C1orf21: variants seen among roughly 807,000 people sequenced by gnomAD.
C1orf21 encodes chromosome 1 open reading frame 21.
Under a neutral mutation model 18.7 loss-of-function variants are expected in C1orf21, and 3 were observed. The ratio of observed to expected loss-of-function variants is 0.16; its 90% CI spans 0.07 to 0.42. The LOEUF (loss-of-function observed/expected upper bound fraction) is 0.42. C1orf21 is among the 10% of genes least tolerant of loss of function. The probability of loss-of-function intolerance (pLI) is 0.99; values close to 1 mark genes in which losing one functional copy is unlikely to be tolerated. For synonymous variants in C1orf21, 41 were observed against 46.4 expected (o/e 0.88, Z 0.47); for missense variants, 104 against 143.6 (o/e 0.72, Z 1.41).
chr1:184,402,930 A>T (rs1656186922), intron 1 of C1orf21, among the ~76,000 whole-genome samples: 1 of 152,222 alleles, frequency 6.6e-6, no homozygotes, highest in African/African-American at 2.4e-5. Context: ...AAGTTGTTAG[A>T]ATAATTTTGA....
chr1:184,399,831 C>T (rs1656120513), intron 1 of C1orf21, among the ~76,000 whole-genome samples: 1 of 152,166 alleles, frequency 6.6e-6, no homozygotes, highest in Non-Finnish European at 1.5e-5. Flanking sequence ...TGGTGATATT[C>T]TGTCATCCCT....
intron 1 of C1orf21, among the ~76,000 whole-genome samples, chr1:184,451,650 G>A (rs1355131845): frequency 6.6e-6 from 1 of 151,908 alleles, no homozygotes; most frequent in Admixed American, 6.6e-5. Flanking sequence ...TTGTAATAGT[G>A]TGTTTTGTAG....
intron 1 of C1orf21, among the ~76,000 whole-genome samples, chr1:184,467,453 A>G (rs1481677706): frequency 1.3e-5 from 2 of 152,188 alleles, no homozygotes; most frequent in Non-Finnish European, 2.9e-5. Flanking sequence ...GCCCTTGGAT[A>G]TGGCACACAG....
intron 1 of C1orf21, among the ~76,000 whole-genome samples, chr1:184,411,104 T>C (rs1656346783): frequency 6.6e-6 from 1 of 152,132 alleles, no homozygotes; most frequent in South Asian, 2.1e-4. Flanking sequence ...GGAACATATG[T>C]GGTTTACGGG....
chr1:184,503,498 C>T (rs970140461), intron 2 of C1orf21, among the ~76,000 whole-genome samples: 3 of 152,068 alleles, frequency 2.0e-5, no homozygotes, highest in Admixed American at 6.6e-5. Context: ...CTCTGCTGTC[C>T]TCCGTCCCCT....
chr1:184,568,977 G>A (rs184574941), intron 3 of C1orf21, among the ~76,000 whole-genome samples: 540 of 152,312 alleles, frequency 3.5e-3, no homozygotes, highest in Non-Finnish European at 5.4e-3. Context: ...TGGATAAGAC[G>A]TGAACACCGT....
At chr1:184,595,351 C>T (rs558463495) in intron 4 of C1orf21, among the ~76,000 whole-genome samples, 3 of 152,126 alleles carry the variant, frequency 2.0e-5, no homozygotes, top group Admixed American at 1.3e-4. Context: ...CCTCATCTCC[C>T]CCACTCACAA....
chr1:184,584,310 T>C (rs1203682899), intron 3 of C1orf21, among the ~76,000 whole-genome samples: 1 of 152,072 alleles, frequency 6.6e-6, no homozygotes, highest in South Asian at 2.1e-4. Context: ...TTCTGGAGAA[T>C]ACACCAATAT....
At chr1:184,465,760 C>T (rs1042648672) in intron 1 of C1orf21, among the ~76,000 whole-genome samples, 10 of 152,280 alleles carry the variant, frequency 6.6e-5, no homozygotes, top group Admixed American at 3.3e-4. Flanking sequence ...TGATCAGATC[C>T]TCAATTTACC....
intron 5 of C1orf21, among the ~76,000 whole-genome samples, chr1:184,617,923 T>G: frequency 6.7e-6 from 1 of 148,602 alleles, no homozygotes; most frequent in Non-Finnish European, 1.5e-5. Flanking sequence ...TTTTTTTTTT[T>G]TTTTGAGATA....
chr1:184,447,742 T>C (rs188101831), intron 1 of C1orf21, among the ~76,000 whole-genome samples: 189 of 152,328 alleles, frequency 1.2e-3, no homozygotes, highest in Admixed American at 1.6e-3. Context: ...CCCTGGTCAC[T>C]GGACTCCCAC....
chr1:184,468,832 T>C (rs1256780279), intron 1 of C1orf21, among the ~76,000 whole-genome samples: 2 of 151,988 alleles, frequency 1.3e-5, no homozygotes, highest in Admixed American at 6.6e-5. Context: ...GGCAGAAGAA[T>C]TGCTTGAACT....
At chr1:184,571,214 G>A (rs568649692) in intron 3 of C1orf21, among the ~76,000 whole-genome samples, 198 of 148,802 alleles carry the variant, frequency 1.3e-3, no homozygotes, top group Non-Finnish European at 2.6e-3. Context: ...GGAGAATGGC[G>A]TGAACCCGGG....
Position 184,625,394 on chromosome 1 carries a change from C to A in C1orf21, c.*5838C>A, listed in dbSNP as rs1301856086. 1 of 152,586 alleles carries A rather than the reference C, an allele frequency of 6.6e-6. No individual in the cohort carries two copies. The highest frequency in any genetic ancestry group is 2.4e-5 in the African/African-American group (1 of 41,432). The allele number at this position is 152,586 out of a possible 1,614,324, so 9.5% of individuals were successfully genotyped here. Reference sequence around the variant, plus strand: ...GGACTGTTCTCTCTTGACAGGCAAGCAAGCAAAGAAAGTTTTGCAATAGAT... The same window carrying A: ...GGACTGTTCTCTCTTGACAGGCAAGAAAGCAAAGAAAGTTTTGCAATAGAT... On this transcript the variant is annotated 3_prime_UTR_variant, in exon 6 of 6. Transcript: ENST00000235307.
intron 1 of C1orf21, among the ~76,000 whole-genome samples, chr1:184,460,611 GTCGTCGTCGTCTTCT>G (rs1657286428): frequency 1.6e-5 from 2 of 123,104 alleles, no homozygotes; most frequent in African/African-American, 7.7e-5. Flanking sequence ...TGTTAGTATT[GTCGTCGTCGTCTTCT>G]TCTTCTTCTT....
intron 1 of C1orf21, among the ~76,000 whole-genome samples, chr1:184,393,066 C>T (rs551403753): frequency 6.6e-5 from 10 of 152,096 alleles, no homozygotes; most frequent in Admixed American, 1.3e-4. Context: ...TGAGCTCAAG[C>T]GATCCCCCTG....
intron 2 of C1orf21, among the ~76,000 whole-genome samples, chr1:184,488,952 G>A (rs1657773738): frequency 1.3e-5 from 2 of 152,104 alleles, no homozygotes; most frequent in African/African-American, 2.4e-5. Flanking sequence ...GCGACAGAGC[G>A]AGACTCTGTC....
intron 3 of C1orf21, among the ~76,000 whole-genome samples, chr1:184,584,252 T>G (rs1335496595): frequency 6.6e-6 from 1 of 151,876 alleles, no homozygotes; most frequent in Admixed American, 6.6e-5. Flanking sequence ...GACTTCTTTA[T>G]GCAAATGCGC....
intron 1 of C1orf21, among the ~76,000 whole-genome samples, chr1:184,472,204 G>A (rs1657506391): frequency 6.6e-6 from 1 of 152,012 alleles, no homozygotes; most frequent in Non-Finnish European, 1.5e-5. Flanking sequence ...AAAGAGAGGA[G>A]TTTTTAGATG....
Sources: gnomAD v4.1 joint callset for allele counts (sites outside exome capture counted in the v4.1 genomes callset) on GRCh38, gnomAD v4.1.1 for gene constraint, MANE v1.5 for transcripts, NCBI Gene and HGNC (gene_info 2026-07-23, HGNC 2026-07-21) for gene names.